SLC8A2: variants seen among roughly 807,000 people sequenced by gnomAD.
SLC8A2 encodes the protein solute carrier family 8 member A2.
In SLC8A2, 14 loss-of-function variants were observed where a neutral mutation model predicts 70.2. That is an observed-to-expected ratio of 0.20 (90% CI 0.13 to 0.31). SLC8A2 has a LOEUF of 0.31. Ranked by LOEUF, SLC8A2 falls within the 10% of genes least tolerant of loss-of-function variation. The probability of loss-of-function intolerance (pLI) is 1.00; values close to 1 mark genes in which losing one functional copy is unlikely to be tolerated. For synonymous variants in SLC8A2, 575 were observed against 594.3 expected (o/e 0.97, Z 0.47); for missense variants, 779 against 1,320.1 (o/e 0.59, Z 6.35).
At chr19:47,471,202 CAG>C (rs1014603294) in intron 1 of SLC8A2, among the ~76,000 whole-genome samples, 1 of 148,984 alleles carries the variant, frequency 6.7e-6, no homozygotes, top group East Asian at 2.0e-4. Flanking sequence ...AAAGCAGAGA[CAG>C]AGAGAGACAC....
intron 3 of SLC8A2, among the ~76,000 whole-genome samples, chr19:47,449,922 G>C (rs1967215130): frequency 6.6e-6 from 1 of 152,134 alleles, no homozygotes; most frequent in Admixed American, 6.5e-5. Context: ...GACACGAGCT[G>C]GCTTGGTGTT....
intron 1 of SLC8A2, among the ~76,000 whole-genome samples, chr19:47,470,453 G>T (rs563546657): frequency 1.3e-5 from 2 of 151,326 alleles, no homozygotes; most frequent in Non-Finnish European, 2.9e-5. Flanking sequence ...CCTTCTCCAG[G>T]GCCCCCTTCT....
chr19:47,449,836 G>A (rs1322921326), intron 3 of SLC8A2, among the ~76,000 whole-genome samples: 1 of 151,968 alleles, frequency 6.6e-6, no homozygotes, highest in Non-Finnish European at 1.5e-5. Flanking sequence ...GGGCCTGGGT[G>A]GGCCACGGTG....
Position 47,457,602 on chromosome 19 carries a change from C to G in SLC8A2, c.676-8G>C, listed in dbSNP as rs746102386. The G allele has an allele frequency of 3.3e-6, 5 of 1,529,602 alleles. No individual in the cohort carries two copies. Among genetic ancestry groups the G allele is most frequent in the African/African-American group, 1.4e-5 (1 of 69,794 alleles). 94.8% of individuals were successfully genotyped at this position (1,529,602 alleles called of 1,614,324 possible). ...CAGCAGCGCCTCCCACACCTGCGGG[C>G]GGCGGGCGTCAGGGCGAGGCCGGGC... On this transcript the variant is annotated splice_region_variant and splice_polypyrimidine_tract_variant and intron_variant, in intron 2 of 9. Coordinates refer to ENST00000236877, the MANE Select transcript of SLC8A2 (RefSeq NM_015063.3).
In SLC8A2 at chr19:47,466,390, G is replaced by A. The variant is rs751053997; in HGVS notation, c.14C>T (p.Ala5Val). 11 of 1,421,358 alleles carry A rather than the reference G, an allele frequency of 7.7e-6. No homozygotes were observed. The highest frequency in any genetic ancestry group is 1.0e-5 in the Non-Finnish European group (11 of 1,085,324). 88.0% of individuals were successfully genotyped at this position (1,421,358 alleles called of 1,614,324 possible). A position where few individuals can be genotyped will look rare whatever the true frequency, so the allele number is the denominator to read the frequency against. ...CAGGAGGAGTGTGACCCCCACCAAG[G>A]CCAGGGGAGCCATGGGGGGTGGTGG... MAPL[A>V]LVGVTLLLAA... The change falls in exon 2 of 10, where the codon GCC becomes GTC. Residue 5 changes from alanine to valine, a missense_variant. Around this residue, in one of 6 missense-constraint regions of SLC8A2, gnomAD observed 65 missense variants for 61.3 expected, o/e 1.06. Transcript: ENST00000236877. The surrounding 1 kb of genome is among the most constrained non-coding windows in gnomAD (Gnocchi z 6.9).
rs986558694 is a variant in SLC8A2, at chr19:47,447,446, C to A, written c.1763+363G>T. The A allele has an allele frequency of 3.2e-6, 1 of 312,122 alleles. No individual in the cohort carries two copies. Among genetic ancestry groups the A allele is most frequent in the Non-Finnish European group, 6.0e-6 (1 of 166,970 alleles). The allele number at this position is 312,122 out of a possible 1,614,324, so 19.3% of individuals were successfully genotyped here. ...GCCCTCTTCTCACCTGTCCGGCCAC[C>A]CTTCTAGGCCTCGCCTCTTCATTTC... is the stretch of plus-strand genomic sequence containing the variant. On this transcript the variant is annotated intron_variant, in intron 4 of 9. Coordinates refer to ENST00000236877, the MANE Select transcript of SLC8A2 (RefSeq NM_015063.3). The surrounding 1 kb of genome is among the most constrained non-coding windows in gnomAD (Gnocchi z 5.1).
chr19:47,454,592 C>A (rs1054005729), intron 3 of SLC8A2, among the ~76,000 whole-genome samples: 1 of 151,964 alleles, frequency 6.6e-6, no homozygotes, highest in Admixed American at 6.6e-5. Context: ...GTGGAGGCTG[C>A]AGTAAGCCAG....
intron 6 of SLC8A2, among the ~76,000 whole-genome samples, chr19:47,439,765 GTGATTC>G (rs1236868535): frequency 6.6e-6 from 1 of 151,998 alleles, no homozygotes; most frequent in Non-Finnish European, 1.5e-5. Flanking sequence ...CCAGGATCAA[GTGATTC>G]TCCTGCCTTA....
At position 47,428,936 on chromosome 19, in the gene SLC8A2, T is replaced by C. The variant is rs1250157046; in HGVS notation, c.*1153A>G. The C allele has an allele frequency of 6.6e-6, 1 of 152,410 alleles. No individual in the cohort carries two copies. The highest frequency in any genetic ancestry group is 1.5e-5 in the Non-Finnish European group (1 of 68,006). 9.4% of individuals were successfully genotyped at this position (152,410 alleles called of 1,614,324 possible). ...CAACAGTAAGAAAATGCAGATGGCC[T>C]ACCGACAGATGGAAGGCCTCCAAAG... On this transcript the variant is annotated 3_prime_UTR_variant, in exon 10 of 10. Coordinates refer to ENST00000236877, the MANE Select transcript of SLC8A2 (RefSeq NM_015063.3).
At position 47,466,407 on chromosome 19, in the gene SLC8A2, G is replaced by T; in HGVS notation, c.-4C>A. The T allele has an allele frequency of 7.5e-7, 1 of 1,332,254 alleles. No individual in the cohort carries two copies. Among genetic ancestry groups the T allele is most frequent in the Non-Finnish European group, 1.0e-6 (1 of 1,004,716 alleles). 82.5% of individuals were successfully genotyped at this position (1,332,254 alleles called of 1,614,324 possible). On this transcript the variant is annotated 5_prime_UTR_variant, in exon 2 of 10. Transcript: ENST00000236877. This position sits in a 1 kb window ranked among gnomAD's most constrained non-coding sequence, Gnocchi z 6.9. ...CCACCAAGGCCAGGGGAGCCATGGG[G>T]GGTGGTGGGGTCCTATGGGGGAGGA... is the stretch of plus-strand genomic sequence containing the variant.
chr19:47,450,517 C>T (rs1254408400), intron 3 of SLC8A2, among the ~76,000 whole-genome samples: 4 of 151,688 alleles, frequency 2.6e-5, no homozygotes, highest in Non-Finnish European at 1.5e-5. Flanking sequence ...AGCAAGACTC[C>T]GTCTCAAAAA....
At chr19:47,434,603 T>C (rs1967003082) in intron 8 of SLC8A2, among the ~76,000 whole-genome samples, 1 of 152,180 alleles carries the variant, frequency 6.6e-6, no homozygotes, top group Admixed American at 6.5e-5. Context: ...TTGAAGGCCT[T>C]TTTTGGTGCC....
At chr19:47,467,360 C>T (rs1212325556) in intron 1 of SLC8A2, among the ~76,000 whole-genome samples, 2 of 152,164 alleles carry the variant, frequency 1.3e-5, no homozygotes, top group African/African-American at 2.4e-5. Flanking sequence ...CCAACTCGGC[C>T]CTTTGAAAGC....
intron 3 of SLC8A2, among the ~76,000 whole-genome samples, chr19:47,453,417 G>A (rs1352964438): frequency 6.6e-6 from 1 of 152,160 alleles, no homozygotes; most frequent in African/African-American, 2.4e-5. Flanking sequence ...CAAGGAACAG[G>A]GTCCAGGGCT....
chr19:47,466,859 C>G lies in SLC8A2; in HGVS notation c.-16-440G>C, dbSNP rs1327197667. ...AGGTGGGTGGATCAGGAGTTTGAGA[C>G]CAGCCTGGCCAACATGGTGAAACCC... On this transcript the variant is annotated intron_variant, in intron 1 of 9. Coordinates refer to ENST00000236877, the MANE Select transcript of SLC8A2 (RefSeq NM_015063.3). This position sits in a 1 kb window ranked among gnomAD's most constrained non-coding sequence, Gnocchi z 6.9. Among the ~76,000 whole-genome samples, 1 of 152,054 alleles carries G rather than the reference C, an allele frequency of 6.6e-6. No homozygotes were observed. Among genetic ancestry groups the G allele is most frequent in the Admixed American group, 6.6e-5 (1 of 15,244 alleles).
rs1454949721 is a variant in SLC8A2, at chr19:47,448,846, C to A, written c.1341-615G>T. On this transcript the variant is annotated intron_variant, in intron 3 of 9. Transcript: ENST00000236877. The surrounding 1 kb of genome is among the most constrained non-coding windows in gnomAD (Gnocchi z 4.8). ...AGATGCCCCCAAGAGGAAGTCCATA[C>A]ACCTTAACTTGGCATCACTCATTCA... 6.6e-6 allele frequency among the ~76,000 whole-genome samples: 1 copy of A among 152,146 alleles called. No homozygotes were observed. Among genetic ancestry groups the A allele is most frequent in the Non-Finnish European group, 1.5e-5 (1 of 68,030 alleles).
At chr19:47,471,648 T>G (rs1484543050) in intron 1 of SLC8A2, 141 bp downstream of exon 1, 1 of 151,996 alleles carries the variant, frequency 6.6e-6, no homozygotes, top group Admixed American at 6.6e-5. Context: ...AAGGTACGCG[T>G]GCTGGGCCAG....
intron 4 of SLC8A2, among the ~76,000 whole-genome samples, chr19:47,443,506 C>A (rs188869361): frequency 1.0e-3 from 152 of 152,338 alleles, no homozygotes; most frequent in African/African-American, 3.5e-3. Context: ...GGAAGCACAG[C>A]CGATCACACC....
At position 47,432,001 on chromosome 19, in the gene SLC8A2, TA is replaced by T; in HGVS notation, c.2389+165del. On this transcript the variant is annotated intron_variant, in intron 9 of 9. Coordinates refer to ENST00000236877, the MANE Select transcript of SLC8A2 (RefSeq NM_015063.3). This position sits in a 1 kb window ranked among gnomAD's most constrained non-coding sequence, Gnocchi z 6.2. ...GAGGATTCAATTCACATCTTGCACC[TA>T]GGGGACCCGCTGCCTGGCTTCTATT... is the stretch of plus-strand genomic sequence containing the variant. 1 of 591,766 alleles carries T rather than the reference TA, an allele frequency of 1.7e-6. No individual in the cohort carries two copies. Among genetic ancestry groups the T allele is most frequent in the Non-Finnish European group, 2.8e-6 (1 of 352,460 alleles). 36.7% of individuals were successfully genotyped at this position (591,766 alleles called of 1,614,324 possible).
Sources: gnomAD v4.1 joint callset for allele counts (sites outside exome capture counted in the v4.1 genomes callset) on GRCh38, gnomAD v4.1.1 for gene constraint, gnomAD v4.1.1 regional missense constraint, Gnocchi (gnomAD v3.1) non-coding constraint, MANE v1.5 for transcripts, NCBI Gene and HGNC (gene_info 2026-07-23, HGNC 2026-07-21) for gene names.